RAP1GDS1: variants seen among roughly 807,000 people sequenced by gnomAD.
RAP1GDS1 encodes the protein Rap1 GTPase-GDP dissociation stimulator 1.
In RAP1GDS1, 35 loss-of-function variants were observed where a neutral mutation model predicts 71.1. The observed-to-expected ratio is 0.49, with a 90% CI of 0.38 to 0.65. RAP1GDS1 has a LOEUF of 0.65. RAP1GDS1 is among the 30% of genes least tolerant of loss of function. The pLI is 0.00. For missense variants in RAP1GDS1, 663 were observed against 706.1 expected, an observed-to-expected ratio of 0.94 and a Z score of 0.69; for synonymous variants, 229 against 243.1, an observed-to-expected ratio of 0.94 and a Z score of 0.54.
At chr4:98,390,282 G>A (rs1331288899) in intron 5 of RAP1GDS1, among the ~76,000 whole-genome samples, 2 of 152,148 alleles carry the variant, frequency 1.3e-5, no homozygotes, top group Non-Finnish European at 2.9e-5. Context: ...ACCTTTAAGT[G>A]TTGTGAATTA....
intron 6 of RAP1GDS1, 44 bp from the exon 7 acceptor site, chr4:98,404,433 T>C: frequency 4.6e-6 from 7 of 1,525,658 alleles, no homozygotes; most frequent in Non-Finnish European, 6.2e-6. Context: ...AGAAAACAGT[T>C]TCTGGACTTT....
chr4:98,391,169 A>G (rs967169569), intron 5 of RAP1GDS1, among the ~76,000 whole-genome samples: 11 of 152,064 alleles, frequency 7.2e-5, no homozygotes, highest in African/African-American at 2.7e-4. Flanking sequence ...GTATTCTATT[A>G]TTATTGTCCA....
intron 5 of RAP1GDS1, among the ~76,000 whole-genome samples, chr4:98,380,081 T>TC (rs1741767739): frequency 7.4e-6 from 1 of 134,600 alleles, no homozygotes; most frequent in African/African-American, 3.0e-5. Context: ...TCTCAATAAT[T>TC]CAAAAAAAAA....
intron 7 of RAP1GDS1, among the ~76,000 whole-genome samples, chr4:98,416,002 G>A (rs550188690): frequency 2.0e-4 from 31 of 152,068 alleles, no homozygotes; most frequent in African/African-American, 7.5e-4. Flanking sequence ...CTGTAACCTT[G>A]AACTCCTGGC....
chr4:98,265,134 C>A lies in RAP1GDS1; in HGVS notation c.4+3565C>A, dbSNP rs539149382. On this transcript the variant is annotated intron_variant, in intron 1 of 14. Coordinates refer to ENST00000408927, the MANE Select transcript of RAP1GDS1 (RefSeq NM_001100427.2). ...TTAGATGAGAAACTACAGAACACTT[C>A]AGAAGATTGTTGTTGGAGTTTGGAC... 4.6e-5 allele frequency among the ~76,000 whole-genome samples: 7 copies of A among 152,268 alleles called. No individual in the cohort carries two copies. In the South Asian group the frequency reaches 1.2e-3, roughly 27 times the overall value.
chr4:98,380,936 A>T (rs75991281), intron 5 of RAP1GDS1, among the ~76,000 whole-genome samples: 1 of 151,738 alleles, frequency 6.6e-6, no homozygotes, highest in Non-Finnish European at 1.5e-5. Flanking sequence ...AATATATCAG[A>T]TGGCTGGTCT....
At chr4:98,433,889 T>A in intron 12 of RAP1GDS1, 47 bp from the exon 13 acceptor site, 1 of 1,535,570 alleles carries the variant, frequency 6.5e-7, no homozygotes, top group Non-Finnish European at 9.0e-7. Context: ...GCATGTTCCT[T>A]ATGTTTAAAA....
At chr4:98,419,171 T>G (rs1748448115) in intron 10 of RAP1GDS1, among the ~76,000 whole-genome samples, 1 of 151,960 alleles carries the variant, frequency 6.6e-6, no homozygotes, top group South Asian at 2.1e-4. Flanking sequence ...TCCTCCCACC[T>G]CAGCCTCCTG....
intron 1 of RAP1GDS1, among the ~76,000 whole-genome samples, chr4:98,278,178 G>A (rs1019765760): frequency 5.3e-5 from 8 of 152,114 alleles, no homozygotes; most frequent in African/African-American, 1.4e-4. Context: ...CAACCTGGGC[G>A]ACAGAGCAAG....
chr4:98,299,617 T>C (rs995630064), intron 2 of RAP1GDS1, among the ~76,000 whole-genome samples: 1 of 150,356 alleles, frequency 6.7e-6, no homozygotes, highest in African/African-American at 2.5e-5. Context: ...GAAAAGAAAG[T>C]GGTTTTTTTT....
At chr4:98,322,766 A>G (rs1191948613) in intron 2 of RAP1GDS1, among the ~76,000 whole-genome samples, 5 of 130,980 alleles carry the variant, frequency 3.8e-5, no homozygotes, top group African/African-American at 1.0e-4. Context: ...GACGCATTCA[A>G]AGCAGTGTGT....
At chr4:98,348,889 T>G (rs1736723119) in intron 3 of RAP1GDS1, among the ~76,000 whole-genome samples, 1 of 152,216 alleles carries the variant, frequency 6.6e-6, no homozygotes, top group African/African-American at 2.4e-5. Context: ...ATGAGTAGAT[T>G]GCAGAAATTT....
chr4:98,329,852 C>CT (rs564459732), intron 2 of RAP1GDS1, among the ~76,000 whole-genome samples: 6,288 of 143,772 alleles, frequency 0.044, 324 homozygotes, highest in African/African-American at 0.13. Context: ...ATTGTAAATA[C>CT]TTGTTTTTTA....
At chr4:98,262,435 T>A (rs1262167551) in intron 1 of RAP1GDS1, among the ~76,000 whole-genome samples, 2 of 152,250 alleles carry the variant, frequency 1.3e-5, no homozygotes, top group Non-Finnish European at 1.5e-5. Context: ...AGAGCAAATA[T>A]GTTTTATAAA....
chr4:98,336,334 G>A (rs1008458957), intron 2 of RAP1GDS1, among the ~76,000 whole-genome samples: 1 of 151,978 alleles, frequency 6.6e-6, no homozygotes, highest in Non-Finnish European at 1.5e-5. Context: ...TTTAGCAACT[G>A]CTTTATGACC....
chr4:98,324,836 A>G (rs1008502697), intron 2 of RAP1GDS1, among the ~76,000 whole-genome samples: 6 of 152,026 alleles, frequency 3.9e-5, no homozygotes, highest in Non-Finnish European at 2.9e-5. Flanking sequence ...AAACCTAGGC[A>G]TTACCATTCA....
chr4:98,401,274 C>G (rs1489170661), intron 6 of RAP1GDS1, among the ~76,000 whole-genome samples: 3 of 152,060 alleles, frequency 2.0e-5, no homozygotes, highest in Non-Finnish European at 4.4e-5. Flanking sequence ...ATAACAAGCA[C>G]ATAGCTAAGC....
chr4:98,310,016 C>T (rs1209766299), intron 2 of RAP1GDS1, among the ~76,000 whole-genome samples: 2 of 152,002 alleles, frequency 1.3e-5, no homozygotes, highest in Non-Finnish European at 2.9e-5. Context: ...GAATTGAGCT[C>T]ATACTGTTGT....
chr4:98,312,355 G>C (rs1730352934), intron 2 of RAP1GDS1, among the ~76,000 whole-genome samples: 1 of 151,994 alleles, frequency 6.6e-6, no homozygotes, highest in Non-Finnish European at 1.5e-5. Flanking sequence ...ACTTTTTAAT[G>C]TTGATCCCTA....
Sources: gnomAD v4.1 joint callset for allele counts (sites outside exome capture counted in the v4.1 genomes callset) on GRCh38, gnomAD v4.1.1 for gene constraint, MANE v1.5 for transcripts, NCBI Gene and HGNC (gene_info 2026-07-23, HGNC 2026-07-21) for gene names.